STAG1: variants seen among roughly 807,000 people sequenced by gnomAD.
STAG1 encodes the protein STAG1 cohesin complex component.
A neutral mutation model predicts 170.9 loss-of-function variants in STAG1; 26 were observed. That is an observed-to-expected ratio of 0.15 (90% CI 0.11 to 0.21). The LOEUF (loss-of-function observed/expected upper bound fraction) is 0.21. STAG1 is among the 10% of genes least tolerant of loss of function. The pLI is 1.00. For missense variants in STAG1, 964 were observed against 1,509.5 expected, an observed-to-expected ratio of 0.64 and a Z score of 5.99; for synonymous variants, 514 against 497.7, an observed-to-expected ratio of 1.03 and a Z score of -0.44.
intron 16 of STAG1, among the ~76,000 whole-genome samples, chr3:136,425,230 C>G (rs561949176): frequency 2.0e-5 from 3 of 152,194 alleles, no homozygotes; most frequent in African/African-American, 7.2e-5. Flanking sequence ...CTAATAGACA[C>G]TATACAGCCA....
intron 2 of STAG1, among the ~76,000 whole-genome samples, chr3:136,628,417 T>G (rs1012513715): frequency 6.6e-6 from 1 of 152,168 alleles, no homozygotes; most frequent in African/African-American, 2.4e-5. Flanking sequence ...TGTTCCTCCC[T>G]ACTCACAGTT....
At chr3:136,473,976 T>C (rs1160130515) in intron 10 of STAG1, among the ~76,000 whole-genome samples, 1 of 152,210 alleles carries the variant, frequency 6.6e-6, no homozygotes, top group East Asian at 1.9e-4. Flanking sequence ...TTGTCCTTTA[T>C]GTAATTATTG....
intron 6 of STAG1, among the ~76,000 whole-genome samples, chr3:136,526,463 T>C (rs1935036157): frequency 6.6e-6 from 1 of 152,174 alleles, no homozygotes; most frequent in South Asian, 2.1e-4. Context: ...TCTTCCTCCA[T>C]CCCTTTATTT....
intron 6 of STAG1, among the ~76,000 whole-genome samples, chr3:136,524,839 T>A (rs977228525): frequency 6.6e-5 from 10 of 152,234 alleles, no homozygotes. Context: ...CTTTTCAGCA[T>A]CTATTGAGAT....
intron 6 of STAG1, among the ~76,000 whole-genome samples, chr3:136,533,686 G>T (rs1935486123): frequency 6.6e-6 from 1 of 152,154 alleles, no homozygotes. Flanking sequence ...CACTCACGAG[G>T]TATCTGTCCC....
intron 5 of STAG1, among the ~76,000 whole-genome samples, chr3:136,565,035 C>A (rs1559881989): frequency 4.0e-5 from 3 of 74,486 alleles, no homozygotes; most frequent in African/African-American, 1.5e-4. Flanking sequence ...GGCAGGCAGG[C>A]AGGCAGAAGG....
At chr3:136,553,187 G>A (rs1303557419) in intron 5 of STAG1, among the ~76,000 whole-genome samples, 1 of 152,080 alleles carries the variant, frequency 6.6e-6, no homozygotes, top group East Asian at 1.9e-4. Flanking sequence ...ACTGAAATAA[G>A]GCTTAAGGGA....
intron 1 of STAG1, among the ~76,000 whole-genome samples, chr3:136,640,308 T>G: frequency 6.6e-6 from 1 of 152,242 alleles, no homozygotes; most frequent in Middle Eastern, 3.4e-3. Context: ...GTGGTTACTT[T>G]AAATCCAAAG....
chr3:136,370,467 A>G (rs34523567), intron 23 of STAG1, among the ~76,000 whole-genome samples: 57,213 of 151,950 alleles, frequency 0.38, 11,977 homozygotes, highest in African/African-American at 0.56. Flanking sequence ...CCATTAACTC[A>G]TCATTTAGCA....
At chr3:136,542,820 A>T (rs1276448500) in intron 5 of STAG1, among the ~76,000 whole-genome samples, 1 of 152,182 alleles carries the variant, frequency 6.6e-6, no homozygotes, top group African/African-American at 2.4e-5. Context: ...TTTAATCTTT[A>T]CAACAGCCTT....
chr3:136,736,872 T>C, intron 1 of STAG1: 1 of 1,585,020 alleles, frequency 6.3e-7, no homozygotes, highest in East Asian at 2.2e-5. Context: ...CGTATTCTTT[T>C]CCTGCCTGAA....
chr3:136,588,410 G>A (rs906264340), intron 4 of STAG1, among the ~76,000 whole-genome samples: 3 of 151,978 alleles, frequency 2.0e-5, no homozygotes, highest in East Asian at 1.9e-4. Flanking sequence ...GCTCGATCTC[G>A]GCTCACTGCA....
At chr3:136,405,823 G>GAAAAAAAAAAAAAAAAAAAAAA (rs2087467623) in intron 21 of STAG1, among the ~76,000 whole-genome samples, 1 of 78,040 alleles carries the variant, frequency 1.3e-5, no homozygotes, top group African/African-American at 4.9e-5. Context: ...AAAAAAAAAG[G>GAAAAAAAAAAAAAAAAAAAAAA]AAAAATGTTA....
At chr3:136,621,942 T>G (rs1939872105) in intron 3 of STAG1, among the ~76,000 whole-genome samples, 1 of 149,246 alleles carries the variant, frequency 6.7e-6, no homozygotes, top group Non-Finnish European at 1.5e-5. Context: ...TTTGGTGATA[T>G]TAATAAAATA....
intron 22 of STAG1, among the ~76,000 whole-genome samples, chr3:136,390,047 G>C (rs2086968471): frequency 6.6e-6 from 1 of 152,010 alleles, no homozygotes; most frequent in African/African-American, 2.4e-5. Flanking sequence ...GGGCCAGGCT[G>C]CTCTTGAACT....
rs2087821025 is a variant in STAG1 at position 136,417,898 on chromosome 3, G to C, written c.2183C>G (p.Ala728Gly). Residue 728 changes from alanine (A) to glycine (G), a missense_variant, in exon 21 of 34, where the codon GCC becomes GGC. Physicochemically the swap from Ala to Gly is moderately conservative, Grantham distance 60. Coordinates refer to ENST00000383202, the MANE Select transcript of STAG1 (RefSeq NM_005862.3). ...RLLKTGIEHG[A>G]MPEQIVVQAL... The stretch of plus-strand genomic sequence containing the variant: ...ATAAACTCCTACCTGTTCTGGCATG[G>C]CTCCATGTTCAATTCCAGTCTTCAA... The C allele has an allele frequency of 6.2e-7, 1 of 1,613,246 alleles. No individual in the cohort carries two copies. Among genetic ancestry groups the C allele is most frequent in the African/African-American group, 1.3e-5 (1 of 74,884 alleles).
At chr3:136,693,791 A>T (rs1048605788) in intron 1 of STAG1, among the ~76,000 whole-genome samples, 4 of 151,832 alleles carry the variant, frequency 2.6e-5, no homozygotes, top group Non-Finnish European at 4.4e-5. Context: ...CTGGTATCAA[A>T]TTCCCAGGCT....
chr3:136,439,078 C>T (rs2088547212), intron 15 of STAG1, among the ~76,000 whole-genome samples: 2 of 151,154 alleles, frequency 1.3e-5, no homozygotes, highest in East Asian at 1.9e-4. Flanking sequence ...CGCCTGTAAT[C>T]CCAGCTACTA....
chr3:136,695,663 C>G (rs1942863703), intron 1 of STAG1, among the ~76,000 whole-genome samples: 1 of 149,862 alleles, frequency 6.7e-6, no homozygotes. Flanking sequence ...CTTTCTTTAA[C>G]AGGAGGGTGA....
Sources: gnomAD v4.1 joint callset for allele counts (sites outside exome capture counted in the v4.1 genomes callset) on GRCh38, gnomAD v4.1.1 for gene constraint, MANE v1.5 for transcripts, NCBI Gene and HGNC (gene_info 2026-07-23, HGNC 2026-07-21) for gene names.